NLRP11: variants seen among roughly 807,000 people sequenced by gnomAD.
The protein encoded by NLRP11 is NACHT, LRR and PYD domains-containing protein 11.
NLRP11 carries 53 observed loss-of-function variants against 79.3 expected under a neutral mutation model. The observed-to-expected ratio is 0.67, with a 90% CI of 0.54 to 0.84. The LOEUF (loss-of-function observed/expected upper bound fraction) is 0.84, where lower values mean the gene tolerates loss of function less well. Ranked by LOEUF, NLRP11 falls within the 40% of genes least tolerant of loss-of-function variation. The pLI, the probability that NLRP11 is intolerant of heterozygous loss-of-function variation, is 0.00. For synonymous variants in NLRP11, 518 were observed against 462.6 expected (o/e 1.12, Z -1.54); for missense variants, 1,264 against 1,255.0 (o/e 1.01, Z -0.11).
chr19:55,804,423 C>T (rs1234465190), intron 4 of NLRP11, among the ~76,000 whole-genome samples: 2 of 151,122 alleles, frequency 1.3e-5, no homozygotes, highest in Non-Finnish European at 2.9e-5. Flanking sequence ...TACTATGCAG[C>T]CATAAAAAAG....
chr19:55,811,532 C>T (rs139721470), intron 2 of NLRP11, among the ~76,000 whole-genome samples: 36 of 152,242 alleles, frequency 2.4e-4, no homozygotes, highest in South Asian at 8.3e-4. Flanking sequence ...CTGGCTCCCC[C>T]CCAGTGGAGA....
At chr19:55,795,777 C>T (rs912030129) in intron 6 of NLRP11, among the ~76,000 whole-genome samples, 24 of 152,078 alleles carry the variant, frequency 1.6e-4, no homozygotes, top group East Asian at 5.8e-4. Flanking sequence ...CGTGAGCCAC[C>T]GCGTCCGGCC....
intron 3 of NLRP11, 89 bp downstream of exon 3, chr19:55,808,680 C>G (rs1159841640): frequency 1.6e-6 from 2 of 1,214,570 alleles, no homozygotes; most frequent in Admixed American, 2.4e-5. Context: ...TTCATGGCCC[C>G]GAGTTTGTCT....
chr19:55,796,260 G>T lies in NLRP11; in HGVS notation c.2172-10C>A. 6.2e-7 allele frequency: 1 copy of T among 1,603,840 alleles called. No homozygotes were observed. On this transcript the variant is annotated splice_polypyrimidine_tract_variant and intron_variant, in intron 5 of 9. Coordinates refer to ENST00000589093, the Ensembl canonical transcript of NLRP11. ...ATCACATTTCATCAAGCTGTAAGAG[G>T]AATTCAGAAATGAAAAGAGGCTCCC...
intron 9 of NLRP11, among the ~76,000 whole-genome samples, chr19:55,787,087 C>T (rs1167147119): frequency 6.6e-6 from 1 of 152,108 alleles, no homozygotes; most frequent in Non-Finnish European, 1.5e-5. Context: ...AAATGAGTTG[C>T]CCCTCCTGTA....
upstream of NLRP11, among the ~76,000 whole-genome samples, chr19:55,833,075 T>C (rs143799838): frequency 1.2e-3 from 180 of 152,290 alleles, no homozygotes; most frequent in African/African-American, 4.3e-3. Flanking sequence ...AAAAAACTAA[T>C]TGGAATTTAA....
upstream of NLRP11, among the ~76,000 whole-genome samples, chr19:55,835,385 G>A (rs1186011720): frequency 6.6e-6 from 1 of 152,266 alleles, no homozygotes; most frequent in African/African-American, 2.4e-5. Context: ...TACGCAGAAA[G>A]ACAGTAGCCG....
chr19:55,789,405 A>G lies in NLRP11; in HGVS notation c.2514-6T>C, dbSNP rs940607297. 2 of 1,609,210 alleles carry G rather than the reference A, an allele frequency of 1.2e-6. No homozygotes were observed. Among genetic ancestry groups the G allele is most frequent in the South Asian group, 1.1e-5 (1 of 90,068 alleles). ...TAAAGAAACAGCCAGACAGACTGCA[A>G]AACAGAAACATGAGCTAGAGTCATG... On this transcript the variant is annotated splice_polypyrimidine_tract_variant and splice_region_variant and intron_variant, in intron 7 of 9. Transcript: ENST00000589093.
intron 1 of NLRP11, among the ~76,000 whole-genome samples, chr19:55,821,311 T>C (rs2547267): frequency 0.24 from 36,504 of 150,878 alleles, 5,783 homozygotes; most frequent in African/African-American, 0.45. Flanking sequence ...GTGTTTTTTA[T>C]CACTTGCTGC....
intron 1 of NLRP11, among the ~76,000 whole-genome samples, chr19:55,823,150 C>T (rs1389341114): frequency 4.8e-5 from 7 of 146,624 alleles, no homozygotes; most frequent in East Asian, 2.1e-4. Flanking sequence ...CCAGCAGGAG[C>T]ACACTGACAC....
At chr19:55,821,132 C>T (rs1312195281) in intron 1 of NLRP11, among the ~76,000 whole-genome samples, 3 of 151,638 alleles carry the variant, frequency 2.0e-5, no homozygotes, top group Admixed American at 1.3e-4. Flanking sequence ...CCAATTTTCT[C>T]GGCACTGTTT....
chr19:55,789,611 G>C (rs1286328881), intron 7 of NLRP11, among the ~76,000 whole-genome samples: 1 of 152,178 alleles, frequency 6.6e-6, no homozygotes, highest in Non-Finnish European at 1.5e-5. Context: ...AATGATCACA[G>C]GGCTCTTATC....
chr19:55,822,581 C>G (rs1174380947), intron 1 of NLRP11, among the ~76,000 whole-genome samples: 1 of 152,038 alleles, frequency 6.6e-6, no homozygotes, highest in Non-Finnish European at 1.5e-5. Context: ...CGAAGCAGGG[C>G]GAGGCATTGC....
chr19:55,795,549 G>T (rs1978750655), intron 6 of NLRP11, among the ~76,000 whole-genome samples: 1 of 151,948 alleles, frequency 6.6e-6, no homozygotes, highest in Non-Finnish European at 1.5e-5. Flanking sequence ...GAGTGCAGTG[G>T]CACAATCTCG....
chr19:55,787,697 T>C (rs1989967749), intron 9 of NLRP11, among the ~76,000 whole-genome samples: 1 of 152,198 alleles, frequency 6.6e-6, no homozygotes, highest in African/African-American at 2.4e-5. Flanking sequence ...TGAGCCTACA[T>C]AGAATTGCTA....
intron 5 of NLRP11, among the ~76,000 whole-genome samples, chr19:55,796,657 G>A (rs1251258942): frequency 2.6e-5 from 4 of 151,430 alleles, no homozygotes; most frequent in South Asian, 2.1e-4. Flanking sequence ...AGCCTTGGGT[G>A]CCCCACATGC....
At chr19:55,796,767 AC>A (rs1978938734) in intron 5 of NLRP11, among the ~76,000 whole-genome samples, 2 of 151,190 alleles carry the variant, frequency 1.3e-5, no homozygotes, top group Non-Finnish European at 2.9e-5. Context: ...GCTCACTGCA[AC>A]CTCTGCCTCC....
intron 1 of NLRP11, among the ~76,000 whole-genome samples, chr19:55,828,678 T>C (rs1036151429): frequency 1.3e-5 from 2 of 152,210 alleles, no homozygotes; most frequent in African/African-American, 2.4e-5. Flanking sequence ...ATGCAAGCTT[T>C]CCATCACTAT....
chr19:55,832,265 A>C (rs961918449), upstream of NLRP11, among the ~76,000 whole-genome samples: 1 of 152,176 alleles, frequency 6.6e-6, no homozygotes, highest in African/African-American at 2.4e-5. Flanking sequence ...AAAACAATTG[A>C]CTTAGGCAGT....
Sources: allele counts gnomAD v4.1 joint callset (sites outside exome capture counted in the v4.1 genomes callset), GRCh38; gene constraint gnomAD v4.1.1; transcripts MANE v1.5; gene names NCBI Gene and HGNC (gene_info 2026-07-23, HGNC 2026-07-21).